Variants in ADGRL3 observed in about 807,000 individuals in gnomAD.
The protein encoded by ADGRL3 is calcium-independent alpha-latrotoxin receptor 3.
In ADGRL3, 62 loss-of-function variants were observed where a neutral mutation model predicts 153.5. That is an observed-to-expected ratio of 0.40 (90% confidence interval 0.33 to 0.50). The LOEUF (loss-of-function observed/expected upper bound fraction) is 0.50. Ranked by LOEUF, ADGRL3 falls within the 20% of genes least tolerant of loss-of-function variation. The pLI is 0.47. For missense variants in ADGRL3, 1,641 were observed against 1,859.4 expected, an observed-to-expected ratio of 0.88 and a Z score of 2.16; for synonymous variants, 710 against 672.5, an observed-to-expected ratio of 1.06 and a Z score of -0.86.
chr4:61,847,896 T>TTA (rs1356566752), intron 9 of ADGRL3, among the ~76,000 whole-genome samples: 39 of 11,134 alleles, frequency 3.5e-3, no homozygotes, highest in Admixed American at 0.019. Flanking sequence ...ATAAAATATA[T>TTA]TATATATAAT....
At chr4:61,763,919 TA>T (rs1284639558) in intron 8 of ADGRL3, among the ~76,000 whole-genome samples, 1 of 152,188 alleles carries the variant, frequency 6.6e-6, no homozygotes, top group Non-Finnish European at 1.5e-5. Flanking sequence ...TCCAGTAGAA[TA>T]AAAATGTATG....
intron 2 of ADGRL3, among the ~76,000 whole-genome samples, chr4:61,400,840 T>C (rs1247885462): frequency 6.7e-6 from 1 of 150,042 alleles, no homozygotes; most frequent in African/African-American, 2.4e-5. Flanking sequence ...AAAAAAGTCC[T>C]GCTCCCTTGT....
chr4:61,791,917 G>T (rs772466010), intron 8 of ADGRL3, among the ~76,000 whole-genome samples: 7 of 152,054 alleles, frequency 4.6e-5, no homozygotes, highest in African/African-American at 7.2e-5. Context: ...ACCAAGAGGA[G>T]GGGAACCCTG....
chr4:61,921,055 G>T (rs2098766576), intron 13 of ADGRL3, among the ~76,000 whole-genome samples: 1 of 151,772 alleles, frequency 6.6e-6, no homozygotes, highest in Non-Finnish European at 1.5e-5. Context: ...GACAATACAA[G>T]GGTAACTTTT....
At chr4:61,435,899 G>A (rs2097439623) in intron 2 of ADGRL3, among the ~76,000 whole-genome samples, 2 of 151,948 alleles carry the variant, frequency 1.3e-5, no homozygotes, top group Admixed American at 1.3e-4. Flanking sequence ...TTTTTAGTTA[G>A]TATTTCTACT....
At chr4:61,415,070 A>G (rs1408733008) in intron 2 of ADGRL3, among the ~76,000 whole-genome samples, 1 of 151,890 alleles carries the variant, frequency 6.6e-6, no homozygotes, top group Non-Finnish European at 1.5e-5. Flanking sequence ...TTGACATTAG[A>G]AAATAACTTT....
chr4:61,457,218 T>C (rs999449496), intron 2 of ADGRL3, among the ~76,000 whole-genome samples: 1 of 152,000 alleles, frequency 6.6e-6, no homozygotes, highest in Non-Finnish European at 1.5e-5. Flanking sequence ...AATAGAGTTA[T>C]TTAGTAGTTT....
rs529242436 is a variant in ADGRL3, at chr4:61,590,311, G to T, written c.473+2871G>T. 1.2e-3 allele frequency among the ~76,000 whole-genome samples: 182 copies of T among 151,924 alleles called. 3 individuals are homozygous for T. The highest frequency in any genetic ancestry group is 6.9e-4 in the Non-Finnish European group (47 of 67,926). On this transcript the variant is annotated intron_variant, in intron 5 of 26. Transcript: ENST00000683033. ...GCTAATTTTGTTATGCCACTTAAAA[G>T]CTTTCTTAACTCTATTATTTGAATG...
At chr4:61,746,039 A>T (rs2096655231) in intron 8 of ADGRL3, among the ~76,000 whole-genome samples, 1 of 152,182 alleles carries the variant, frequency 6.6e-6, no homozygotes, top group Admixed American at 6.5e-5. Context: ...GAAAACAAAA[A>T]AAGGCAGGGG....
At chr4:61,331,636 T>A (rs1444683311) in intron 1 of ADGRL3, among the ~76,000 whole-genome samples, 1 of 152,164 alleles carries the variant, frequency 6.6e-6, no homozygotes, top group East Asian at 1.9e-4. Context: ...TTTGAGGTGA[T>A]TTTGCCATAT....
chr4:61,869,799 G>C (rs2098426011), intron 9 of ADGRL3, among the ~76,000 whole-genome samples: 1 of 151,096 alleles, frequency 6.6e-6, no homozygotes, highest in Non-Finnish European at 1.5e-5. Flanking sequence ...TTGGCCAGGC[G>C]TGGTGGCACA....
At chr4:61,795,018 A>C (rs959567945) in intron 8 of ADGRL3, among the ~76,000 whole-genome samples, 1 of 152,222 alleles carries the variant, frequency 6.6e-6, no homozygotes, top group Non-Finnish European at 1.5e-5. Context: ...TACATGAATA[A>C]TTTTATGTCA....
chr4:61,436,792 C>T (rs772789799), intron 2 of ADGRL3, among the ~76,000 whole-genome samples: 4 of 151,940 alleles, frequency 2.6e-5, no homozygotes, highest in Non-Finnish European at 4.4e-5. Flanking sequence ...TAGAGGGGAA[C>T]ATTAACACCT....
chr4:61,361,877 T>C (rs2096287034), intron 1 of ADGRL3, among the ~76,000 whole-genome samples: 1 of 151,332 alleles, frequency 6.6e-6, no homozygotes, highest in Non-Finnish European at 1.5e-5. Flanking sequence ...TACTCAACCA[T>C]AAAATTGAAG....
At chr4:61,767,751 A>G (rs1056193069) in intron 8 of ADGRL3, among the ~76,000 whole-genome samples, 7 of 152,140 alleles carry the variant, frequency 4.6e-5, no homozygotes, top group African/African-American at 1.7e-4. Flanking sequence ...CGGCATGTGT[A>G]GCAAGTTCCT....
At chr4:61,570,359 A>G (rs759451060) in intron 4 of ADGRL3, among the ~76,000 whole-genome samples, 3 of 152,004 alleles carry the variant, frequency 2.0e-5, no homozygotes, top group Admixed American at 1.3e-4. Flanking sequence ...CTCTCTTTCT[A>G]TTTTCAATAC....
At chr4:61,903,765 A>G (rs974376749) in intron 11 of ADGRL3, among the ~76,000 whole-genome samples, 1 of 150,666 alleles carries the variant, frequency 6.6e-6, no homozygotes, top group Admixed American at 6.6e-5. Flanking sequence ...TACTATAAAC[A>G]TATTTATTTA....
chr4:61,803,755 G>GATACACAGTATT (rs1161413048), intron 8 of ADGRL3, among the ~76,000 whole-genome samples: 1 of 151,894 alleles, frequency 6.6e-6, no homozygotes, highest in Non-Finnish European at 1.5e-5. Context: ...TTCTACTAAA[G>GATACACAGTATT]TCTAATACAC....
At chr4:61,677,852 A>G (rs887160114) in intron 6 of ADGRL3, among the ~76,000 whole-genome samples, 1 of 152,040 alleles carries the variant, frequency 6.6e-6, no homozygotes, top group African/African-American at 2.4e-5. Context: ...AAGAAGCAGG[A>G]CATTACTCAT....
Sources: gnomAD v4.1 joint callset for allele counts (sites outside exome capture counted in the v4.1 genomes callset) on GRCh38, gnomAD v4.1.1 for gene constraint, MANE v1.5 for transcripts, NCBI Gene and HGNC (gene_info 2026-07-23, HGNC 2026-07-21) for gene names.